Variants in ADGRL2 observed in about 807,000 individuals in gnomAD.
ADGRL2 encodes adhesion G protein-coupled receptor L2.
A neutral mutation model predicts 157.4 loss-of-function variants in ADGRL2; 44 were observed. The ratio of observed to expected loss-of-function variants is 0.28; its 90% CI spans 0.22 to 0.36. The LOEUF is 0.36. Among genes scored for constraint, ADGRL2 ranks in the 10% least tolerant of loss-of-function variants. ADGRL2 has a pLI of 1.00. For missense variants in ADGRL2, 1,510 were observed against 1,768.9 expected, an observed-to-expected ratio of 0.85 and a Z score of 2.63; for synonymous variants, 585 against 624.7, an observed-to-expected ratio of 0.94 and a Z score of 0.95.
chr1:81,562,559 A>G (rs1164488236), intron 2 of ADGRL2, among the ~76,000 whole-genome samples: 3 of 152,170 alleles, frequency 2.0e-5, no homozygotes, highest in East Asian at 1.9e-4. Context: ...AAGAAATTGT[A>G]TAGCCTCAGC....
chr1:81,325,929 C>T (rs977009393), intron 1 of ADGRL2, among the ~76,000 whole-genome samples: 1 of 149,810 alleles, frequency 6.7e-6, no homozygotes, highest in Non-Finnish European at 1.5e-5. Flanking sequence ...CCCAGAGGAT[C>T]TCACTAAGCA....
At chr1:81,426,990 T>C in intron 1 of ADGRL2, 1 of 884,956 alleles carries the variant, frequency 1.1e-6, no homozygotes, top group South Asian at 1.3e-5. Flanking sequence ...CACGATACAG[T>C]TGATAACATT....
chr1:81,594,062 T>C (rs2081184449), intron 3 of ADGRL2, among the ~76,000 whole-genome samples: 1 of 152,154 alleles, frequency 6.6e-6, no homozygotes, highest in East Asian at 1.9e-4. Flanking sequence ...CTCAGGAGAG[T>C]ATAAGCTTCC....
chr1:81,747,701 TTGTGTG>T (rs10556401), intron 1 of ADGRL2, among the ~76,000 whole-genome samples: 13,452 of 147,296 alleles, frequency 0.091, 646 homozygotes, highest in African/African-American at 0.11. Context: ...CCTTTAATGT[TTGTGTG>T]TGTGTGTGTG....
At chr1:81,651,971 T>C (rs2082431388) in intron 3 of ADGRL2, among the ~76,000 whole-genome samples, 1 of 152,064 alleles carries the variant, frequency 6.6e-6, no homozygotes, top group Non-Finnish European at 1.5e-5. Flanking sequence ...CCTCCCAAAG[T>C]GTGAGGATTA....
chr1:81,842,144 A>G (rs979800559), intron 2 of ADGRL2, among the ~76,000 whole-genome samples: 4 of 151,978 alleles, frequency 2.6e-5, no homozygotes, highest in African/African-American at 9.7e-5. Flanking sequence ...TGGTGAGGGT[A>G]GGGGTGCATG....
At position 81,362,978 on chromosome 1, in the gene ADGRL2, T is replaced by C. The variant is rs143538977; in HGVS notation, c.-302+56469T>C. On this transcript the variant is annotated intron_variant, in intron 1 of 24. Coordinates refer to the ADGRL2 transcript ENST00000370721. ...ACTTTTTCTGTTGGATTATGACAGA[T>C]ACACATGTATATCATCATATTGTAT... 3.1e-3 allele frequency among the ~76,000 whole-genome samples: 465 copies of C among 152,190 alleles called. 7 individuals are homozygous for C. The South Asian group carries it at 0.048, about 16-fold the overall frequency.
At chr1:81,496,215 A>C (rs917869444) in intron 2 of ADGRL2, among the ~76,000 whole-genome samples, 1 of 152,134 alleles carries the variant, frequency 6.6e-6, no homozygotes, top group Non-Finnish European at 1.5e-5. Context: ...GATTGCCTTC[A>C]TTTTTCATCC....
intron 1 of ADGRL2, among the ~76,000 whole-genome samples, chr1:81,435,987 C>T (rs797009511): frequency 1.3e-5 from 2 of 152,070 alleles, no homozygotes; most frequent in African/African-American, 4.8e-5. Flanking sequence ...CCCAGCTACT[C>T]GGGAGGCTGA....
intron 2 of ADGRL2, among the ~76,000 whole-genome samples, chr1:81,522,675 G>A (rs1047703458): frequency 1.3e-5 from 2 of 152,132 alleles, no homozygotes; most frequent in Non-Finnish European, 1.5e-5. Context: ...GAGGAAAAGG[G>A]ACAAAAACAA....
intron 2 of ADGRL2, among the ~76,000 whole-genome samples, chr1:81,873,919 G>T (rs1314993999): frequency 6.6e-6 from 1 of 152,066 alleles, no homozygotes. Flanking sequence ...GATGAAAAAT[G>T]TACAAAGGTC....
At chr1:81,373,811 A>G (rs1444984985) in intron 1 of ADGRL2, among the ~76,000 whole-genome samples, 1 of 152,226 alleles carries the variant, frequency 6.6e-6, no homozygotes, top group Non-Finnish European at 1.5e-5. Flanking sequence ...TGGGCCACCA[A>G]AATTGCAGAT....
chr1:81,338,728 C>T (rs1302868427), intron 1 of ADGRL2, among the ~76,000 whole-genome samples: 1 of 152,162 alleles, frequency 6.6e-6, no homozygotes, highest in Non-Finnish European at 1.5e-5. Flanking sequence ...TATTCCTCTT[C>T]TGCAAATGAG....
intron 1 of ADGRL2, among the ~76,000 whole-genome samples, chr1:81,435,554 G>A (rs2077393885): frequency 6.6e-6 from 1 of 152,090 alleles, no homozygotes; most frequent in African/African-American, 2.4e-5. Context: ...TAAACTTATA[G>A]GCCAAGATGA....
intron 2 of ADGRL2, among the ~76,000 whole-genome samples, chr1:81,777,725 T>C (rs755231582): frequency 6.6e-5 from 10 of 152,178 alleles, no homozygotes; most frequent in Admixed American, 1.3e-4. Context: ...ATCATGCCAT[T>C]GCACTCCAGC....
rs558748033 is a variant in ADGRL2 at position 81,464,230 on chromosome 1, G to A, written c.-248+19141G>A. On this transcript the variant is annotated intron_variant, in intron 2 of 24. Coordinates refer to the ADGRL2 transcript ENST00000370721. ...AGCCCCAAAGAAATCATGCTGGCCA[G>A]CTTCCTTTCTCTCTATTTAGTGCCT... Among the ~76,000 whole-genome samples, 302 of 152,036 alleles carry A rather than the reference G, an allele frequency of 2.0e-3. 3 individuals carry two copies. The highest frequency in any genetic ancestry group is 7.0e-3 in the African/African-American group (289 of 41,454).
upstream of ADGRL2, chr1:81,800,407 A>T (rs1359560521): frequency 2.0e-5 from 3 of 152,098 alleles, no homozygotes; most frequent in Non-Finnish European, 2.9e-5. Context: ...CGGCGAACAG[A>T]CGTTCTTTCT....
intron 3 of ADGRL2, among the ~76,000 whole-genome samples, chr1:81,634,067 AAGACTGTGT>A (rs1448986049): frequency 6.6e-6 from 1 of 152,190 alleles, no homozygotes; most frequent in Non-Finnish European, 1.5e-5. Context: ...TCCAAGAAAG[AAGACTGTGT>A]AAGAGTCCCA....
At chr1:81,547,438 G>A (rs983677596) in intron 2 of ADGRL2, among the ~76,000 whole-genome samples, 3 of 152,092 alleles carry the variant, frequency 2.0e-5, no homozygotes, top group Non-Finnish European at 4.4e-5. Flanking sequence ...GGTGAAAACT[G>A]GAGAAGCTGG....
Sources: gnomAD v4.1 joint callset for allele counts (sites outside exome capture counted in the v4.1 genomes callset) on GRCh38, gnomAD v4.1.1 for gene constraint, MANE v1.5 for transcripts, NCBI Gene and HGNC (gene_info 2026-07-23, HGNC 2026-07-21) for gene names.